Variants in ZNF516 observed in about 807,000 individuals in gnomAD.
The protein encoded by ZNF516 is zinc finger protein 516.
In ZNF516, 19 loss-of-function variants were observed where a neutral mutation model predicts 79.7. The ratio of observed to expected loss-of-function variants is 0.24; its 90% CI spans 0.17 to 0.35. The LOEUF (loss-of-function observed/expected upper bound fraction) is 0.35. Among genes scored for constraint, ZNF516 ranks in the 10% least tolerant of loss-of-function variants. The probability of loss-of-function intolerance (pLI) is 1.00; values close to 1 mark genes in which losing one functional copy is unlikely to be tolerated. For synonymous variants in ZNF516, 877 were observed against 739.5 expected, an observed-to-expected ratio of 1.19 and a Z score of -3.02; for missense variants, 1,678 against 1,679.5, an observed-to-expected ratio of 1.00 and a Z score of 0.02.
chr18:76,487,235 T>C (rs1462493541), intron 1 of ZNF516, among the ~76,000 whole-genome samples: 2 of 152,220 alleles, frequency 1.3e-5, no homozygotes, highest in African/African-American at 2.4e-5. Flanking sequence ...AATACGATGA[T>C]GGCTCTAGCT....
At chr18:76,409,319 TATTC>T (rs2075343565) in intron 3 of ZNF516, among the ~76,000 whole-genome samples, 1 of 152,218 alleles carries the variant, frequency 6.6e-6, no homozygotes, top group Admixed American at 6.5e-5. Context: ...AATCACAAAA[TATTC>T]ATTATTGAAA....
intron 3 of ZNF516, among the ~76,000 whole-genome samples, chr18:76,413,607 G>A (rs560135851): frequency 4.6e-5 from 7 of 151,768 alleles, no homozygotes; most frequent in Non-Finnish European, 8.8e-5. Flanking sequence ...TCATCCCCTC[G>A]AATACCTCAG....
In ZNF516 at chr18:76,442,013, C is replaced by T. The variant is rs757513745; in HGVS notation, c.1042G>A (p.Asp348Asn). 1 of 1,613,832 alleles carries T rather than the reference C, an allele frequency of 6.2e-7. No individual in the cohort carries two copies. The highest frequency in any genetic ancestry group is 1.1e-5 in the South Asian group (1 of 91,088). The change falls in exon 3 of 7, where the codon GAC becomes AAC. Residue 348 changes from aspartate (D) to asparagine (N), a missense_variant. Around this residue, in one of 5 missense-constraint regions of ZNF516, gnomAD observed 1,294 missense variants for 1,248.3 expected, o/e 1.04. Transcript: ENST00000443185. Reference sequence around the variant, plus strand: ...ATGGCATTGTGGGCGTTCAAGCTGTCCAGGTTTGTAAACAGGTTCCCGCAC... The same window carrying T: ...ATGGCATTGTGGGCGTTCAAGCTGTTCAGGTTTGTAAACAGGTTCCCGCAC... ...AKCGNLFTNL[D>N]SLNAHNAIHR...
intron 3 of ZNF516, among the ~76,000 whole-genome samples, chr18:76,402,084 G>A (rs910428760): frequency 1.3e-4 from 19 of 151,082 alleles, no homozygotes; most frequent in Non-Finnish European, 2.5e-4. Flanking sequence ...GGAGGGGAGG[G>A]CTTCTCTGAA....
chr18:76,365,459 T>G (rs2074599621), intron 6 of ZNF516, among the ~76,000 whole-genome samples: 1 of 152,204 alleles, frequency 6.6e-6, no homozygotes, highest in Non-Finnish European at 1.5e-5. Context: ...AACTTCCTAG[T>G]TTTTCCTCTA....
At chr18:76,456,743 G>T (rs1193097947) in intron 2 of ZNF516, among the ~76,000 whole-genome samples, 10 of 113,288 alleles carry the variant, frequency 8.8e-5, no homozygotes, top group Non-Finnish European at 1.7e-4. Flanking sequence ...TCACATGGGG[G>T]CTGGGGGGTG....
Position 76,360,788 on chromosome 18 carries a change from CAAT to C in ZNF516, c.*1707_*1709del, listed in dbSNP as rs951697054. ...ATCCAGAACCAAACATTACTAATAACAATAACAATAATAATAATAATAATAATA... is the reference window on the plus strand; with the variant it reads ...ATCCAGAACCAAACATTACTAATAACAACAATAATAATAATAATAATAATA... On this transcript the variant is annotated 3_prime_UTR_variant, in exon 7 of 7. Coordinates refer to ENST00000443185, the MANE Select transcript of ZNF516 (RefSeq NM_014643.4). 1 of 137,912 alleles carries C rather than the reference CAAT, an allele frequency of 7.3e-6. No homozygotes were observed. Among genetic ancestry groups the C allele is most frequent in the Non-Finnish European group, 1.6e-5 (1 of 64,400 alleles). 8.5% of individuals were successfully genotyped at this position (137,912 alleles called of 1,614,324 possible).
rs1251854615 is a variant in ZNF516 at position 76,360,968 on chromosome 18, TAAGTA to T, written c.*1525_*1529del. 1 of 151,880 alleles carries T rather than the reference TAAGTA, an allele frequency of 6.6e-6. No individual in the cohort carries two copies. Among genetic ancestry groups the T allele is most frequent in the Non-Finnish European group, 1.5e-5 (1 of 68,002 alleles). 9.4% of individuals were successfully genotyped at this position (151,880 alleles called of 1,614,324 possible). A position where few individuals can be genotyped will look rare whatever the true frequency, so the allele number is the denominator to read the frequency against. ...AAACTGCACTAGTCCATTACCGTAT[TAAGTA>T]AACTGTTGCTCTCGCCAGTATTAAA... On this transcript the variant is annotated 3_prime_UTR_variant, in exon 7 of 7. Transcript: ENST00000443185.
At chr18:76,377,966 T>G (rs2074814849) in intron 4 of ZNF516, 1 of 152,078 alleles carries the variant, frequency 6.6e-6, no homozygotes, top group Non-Finnish European at 1.5e-5. Context: ...TCCGCCCACC[T>G]CGGCCTCCCA....
At chr18:76,370,123 G>A (rs554947882) in intron 6 of ZNF516, among the ~76,000 whole-genome samples, 43 of 152,318 alleles carry the variant, frequency 2.8e-4, no homozygotes, top group African/African-American at 9.9e-4. Flanking sequence ...AAGACACCAC[G>A]CTGGACACGA....
At chr18:76,465,718 G>A (rs994383409) in intron 1 of ZNF516, among the ~76,000 whole-genome samples, 2 of 152,168 alleles carry the variant, frequency 1.3e-5, no homozygotes, top group Non-Finnish European at 2.9e-5. Context: ...CAGAAAACAC[G>A]CAAGAACCCA....
chr18:76,431,887 C>T (rs1339519854), intron 3 of ZNF516, among the ~76,000 whole-genome samples: 1 of 152,208 alleles, frequency 6.6e-6, no homozygotes, highest in Non-Finnish European at 1.5e-5. Flanking sequence ...TACAGAAACA[C>T]AAGAATGGAC....
chr18:76,404,283 A>G (rs1380455660), intron 3 of ZNF516, among the ~76,000 whole-genome samples: 2 of 152,220 alleles, frequency 1.3e-5, no homozygotes, highest in Non-Finnish European at 2.9e-5. Flanking sequence ...CCTGGGGGAG[A>G]CGACGTGATC....
chr18:76,458,811 C>T (rs1191943097), intron 2 of ZNF516, among the ~76,000 whole-genome samples: 8 of 150,286 alleles, frequency 5.3e-5, no homozygotes, highest in Non-Finnish European at 8.9e-5. Flanking sequence ...CGTGCCTCAC[C>T]GTCGTGCGTG....
chr18:76,367,768 C>T (rs1432167880), intron 6 of ZNF516, among the ~76,000 whole-genome samples: 2 of 152,190 alleles, frequency 1.3e-5, no homozygotes, highest in Non-Finnish European at 2.9e-5. Flanking sequence ...TATCTTGTCG[C>T]CCCAGTATCC....
At chr18:76,369,070 G>GT (rs2074661988) in intron 6 of ZNF516, among the ~76,000 whole-genome samples, 1 of 152,186 alleles carries the variant, frequency 6.6e-6, no homozygotes, top group Non-Finnish European at 1.5e-5. Flanking sequence ...CACTCCAGTT[G>GT]TAACATCAAC....
At chr18:76,373,233 A>C (rs1369536125) in intron 4 of ZNF516, among the ~76,000 whole-genome samples, 1 of 140,216 alleles carries the variant, frequency 7.1e-6, no homozygotes, top group African/African-American at 2.6e-5. Context: ...AGGAGAGAGG[A>C]GGGAAGAGGA....
chr18:76,361,984 G>C lies in ZNF516; in HGVS notation c.*514C>G, dbSNP rs1426084448. ...CTATTTTAAATACCCACTAAGACAA[G>C]GAGAGGCAGTAGTATTAATACTCGA... On this transcript the variant is annotated 3_prime_UTR_variant, in exon 7 of 7. Coordinates refer to ENST00000443185, the MANE Select transcript of ZNF516 (RefSeq NM_014643.4). The C allele has an allele frequency of 1.3e-5, 2 of 152,480 alleles. No homozygotes were observed. The highest frequency in any genetic ancestry group is 2.9e-5 in the Non-Finnish European group (2 of 68,310). 9.4% of individuals were successfully genotyped at this position (152,480 alleles called of 1,614,324 possible).
intron 3 of ZNF516, among the ~76,000 whole-genome samples, chr18:76,415,870 A>G (rs1269046440): frequency 6.6e-6 from 1 of 152,194 alleles, no homozygotes; most frequent in African/African-American, 2.4e-5. Context: ...TGTATCTTCG[A>G]AAGTTAGCAT....
Sources: allele counts gnomAD v4.1 joint callset (sites outside exome capture counted in the v4.1 genomes callset), GRCh38; gene constraint gnomAD v4.1.1; regional missense constraint gnomAD v4.1.1; transcripts MANE v1.5; gene names NCBI Gene and HGNC (gene_info 2026-07-23, HGNC 2026-07-21).